Variants in DIAPH1 observed in about 807,000 individuals in gnomAD.
DIAPH1 encodes the protein diaphanous related formin 1.
A neutral mutation model predicts 140.7 loss-of-function variants in DIAPH1; 46 were observed. The observed-to-expected ratio is 0.33, with a 90% CI of 0.26 to 0.42. The LOEUF (loss-of-function observed/expected upper bound fraction) is 0.42, where lower values mean the gene tolerates loss of function less well. DIAPH1 is among the 10% of genes least tolerant of loss of function. The pLI, the probability that DIAPH1 is intolerant of heterozygous loss-of-function variation, is 1.00. For missense variants in DIAPH1, 1,310 were observed against 1,558.7 expected, an observed-to-expected ratio of 0.84 and a Z score of 2.69; for synonymous variants, 565 against 551.6, an observed-to-expected ratio of 1.02 and a Z score of -0.34.
intron 12 of DIAPH1, among the ~76,000 whole-genome samples, chr5:141,577,228 C>G (rs1316228890): frequency 1.3e-5 from 2 of 152,180 alleles, no homozygotes; most frequent in African/African-American, 2.4e-5. Flanking sequence ...CATCTTCATC[C>G]TATTTACCTA....
At chr5:141,540,686 G>A (rs1471434059) in intron 18 of DIAPH1, among the ~76,000 whole-genome samples, 4 of 152,034 alleles carry the variant, frequency 2.6e-5, no homozygotes, top group African/African-American at 7.2e-5. Flanking sequence ...AAAGTGCTGC[G>A]ATTACAGGCA....
rs1024265946 is a variant in DIAPH1 at position 141,596,258 on chromosome 5, G to A, written c.118-8008C>T. Among the ~76,000 whole-genome samples the A allele has an allele frequency of 3.9e-5, 6 of 152,018 alleles. No homozygotes were observed. The East Asian group carries it at 5.8e-4, about 15-fold the overall frequency. ...TGAGGCAGGAGAATCACTTGAACCC[G>A]GGAGGCAGAGGTTGCAGTGAGCCGA... On this transcript the variant is annotated intron_variant, in intron 1 of 27. Transcript: ENST00000389054.
At chr5:141,546,339 G>A (rs867324539) in intron 18 of DIAPH1, among the ~76,000 whole-genome samples, 5 of 152,126 alleles carry the variant, frequency 3.3e-5, no homozygotes, top group African/African-American at 9.6e-5. Flanking sequence ...CCAAAACTCC[G>A]TCTCAAAAAA....
At chr5:141,561,440 T>C (rs1300184590) in intron 18 of DIAPH1, among the ~76,000 whole-genome samples, 1 of 151,988 alleles carries the variant, frequency 6.6e-6, no homozygotes, top group Non-Finnish European at 1.5e-5. Context: ...TACTGTTACT[T>C]GCTTTATAGA....
Position 141,516,799 on chromosome 5 carries a change from G to A in DIAPH1, c.*52C>T. 1 of 1,609,206 alleles carries A rather than the reference G, an allele frequency of 6.2e-7. No individual in the cohort carries two copies. ...TGAGCCTTTAGGCACATGCTGCAGG[G>A]CAGGACAGTCTGCGGCTCCGCTGAG... On this transcript the variant is annotated 3_prime_UTR_variant, in exon 28 of 28. Coordinates refer to ENST00000389054, the MANE Select transcript of DIAPH1 (RefSeq NM_005219.5).
At chr5:141,558,867 G>A (rs2154595897) in intron 18 of DIAPH1, among the ~76,000 whole-genome samples, 1 of 148,878 alleles carries the variant, frequency 6.7e-6, no homozygotes, top group South Asian at 2.3e-4. Flanking sequence ...TCCCTAAAGT[G>A]AGATAATGGC....
chr5:141,617,778 T>C (rs1295715466), intron 1 of DIAPH1, among the ~76,000 whole-genome samples: 12 of 152,096 alleles, frequency 7.9e-5, no homozygotes, highest in East Asian at 5.8e-4. Context: ...GAGAGAGGCG[T>C]TGGTGTGGGC....
At position 141,573,871 on chromosome 5, in the gene DIAPH1, C is replaced by T. The variant is rs756837198; in HGVS notation, c.1979G>A (p.Gly660Asp). 1 of 1,536,450 alleles carries T rather than the reference C, an allele frequency of 6.5e-7. No homozygotes were observed. The highest frequency in any genetic ancestry group is 2.0e-5 in the Admixed American group (1 of 50,014). ...AGAAGAGGGTGAAGGGATGCCAACACCCTCAGGCAAAGGAGGGGGTGGAGG... is the reference window on the plus strand; with the variant it reads ...AGAAGAGGGTGAAGGGATGCCAACATCCTCAGGCAAAGGAGGGGGTGGAGG... ...TIPPPPPLPE[G>D]VGIPSPSSLP... Residue 660 changes from glycine to aspartate, a missense_variant, in exon 16 of 28, where the codon GGT becomes GAT. Around this residue, in one of 3 missense-constraint regions of DIAPH1, gnomAD observed 589 missense variants for 549.3 expected, o/e 1.07. Transcript: ENST00000389054.
chr5:141,579,255 A>G (rs71583656), intron 8 of DIAPH1, 59 bp from the exon 9 acceptor site: 1 of 1,251,920 alleles, frequency 8.0e-7, no homozygotes. Context: ...GGACACGTAT[A>G]ATGAGTAAAT....
chr5:141,560,317 A>G (rs1169243344), intron 18 of DIAPH1, among the ~76,000 whole-genome samples: 2 of 152,236 alleles, frequency 1.3e-5, no homozygotes. Flanking sequence ...CAGTCACTGG[A>G]AGCAAGCACC....
chr5:141,529,572 C>A (rs2099887892), intron 20 of DIAPH1, 31 bp downstream of exon 20: 2 of 1,558,206 alleles, frequency 1.3e-6, no homozygotes, highest in African/African-American at 1.4e-5. Flanking sequence ...CACAGAAGAG[C>A]CTGCTCCAGC....
chr5:141,554,514 C>CA (rs143296685), intron 18 of DIAPH1, among the ~76,000 whole-genome samples: 1 of 151,808 alleles, frequency 6.6e-6, no homozygotes, highest in Admixed American at 6.6e-5. Context: ...CAATTTTACG[C>CA]AAAAAATTTT....
intron 19 of DIAPH1, 150 bp from the exon 20 acceptor site, chr5:141,529,847 G>T: frequency 1.4e-6 from 1 of 711,240 alleles, no homozygotes; most frequent in Non-Finnish European, 2.5e-6. Context: ...ACTTCGGGAG[G>T]CCAAGGTGGG....
chr5:141,546,992 A>G (rs1416549703), intron 18 of DIAPH1, among the ~76,000 whole-genome samples: 1 of 152,250 alleles, frequency 6.6e-6, no homozygotes, highest in African/African-American at 2.4e-5. Flanking sequence ...GTAATGTCAA[A>G]AGGGAGGATC....
intron 1 of DIAPH1, among the ~76,000 whole-genome samples, chr5:141,603,532 A>G (rs1160584098): frequency 6.6e-6 from 1 of 152,200 alleles, no homozygotes; most frequent in Admixed American, 6.5e-5. Flanking sequence ...GGGAACAATG[A>G]AAGATTCTAG....
chr5:141,579,922 T>C (rs1165003197), intron 8 of DIAPH1, among the ~76,000 whole-genome samples: 1 of 142,732 alleles, frequency 7.0e-6, no homozygotes, highest in Admixed American at 7.3e-5. Flanking sequence ...CACTCCAGCC[T>C]GGGGAACAGA....
chr5:141,518,858 G>A, intron 27 of DIAPH1: 1 of 1,323,556 alleles, frequency 7.6e-7, no homozygotes, highest in Non-Finnish European at 1.1e-6. Flanking sequence ...TCTCCCTGCA[G>A]AGCCATGACC....
intron 18 of DIAPH1, among the ~76,000 whole-genome samples, chr5:141,545,873 T>C (rs2099890721): frequency 6.6e-6 from 1 of 152,204 alleles, no homozygotes; most frequent in South Asian, 2.1e-4. Context: ...CAAAACATGT[T>C]GGCCGTAGTT....
At chr5:141,570,267 G>A (rs1192896380) in intron 18 of DIAPH1, among the ~76,000 whole-genome samples, 1 of 152,144 alleles carries the variant, frequency 6.6e-6, no homozygotes, top group Non-Finnish European at 1.5e-5. Context: ...GGGATTCTGT[G>A]AACTTACAAA....
Sources: gnomAD v4.1 joint callset for allele counts (sites outside exome capture counted in the v4.1 genomes callset) on GRCh38, gnomAD v4.1.1 for gene constraint, gnomAD v4.1.1 regional missense constraint, MANE v1.5 for transcripts, NCBI Gene and HGNC (gene_info 2026-07-23, HGNC 2026-07-21) for gene names.